Variants in ARHGEF10L observed in about 807,000 individuals in gnomAD.
The protein encoded by ARHGEF10L is Rho guanine nucleotide exchange factor 10 like, also known as rho guanine nucleotide exchange factor 10-like protein.
In ARHGEF10L, 69 loss-of-function variants were observed where a neutral mutation model predicts 141.2. That is an observed-to-expected ratio of 0.49 (90% confidence interval 0.40 to 0.60). The LOEUF is 0.60. Among genes scored for constraint, ARHGEF10L ranks in the 20% least tolerant of loss-of-function variants. The pLI is 0.00. For missense variants in ARHGEF10L, 1,482 were observed against 1,734.3 expected (o/e 0.85, Z 2.58); for synonymous variants, 711 against 718.5 (o/e 0.99, Z 0.17).
rs889924660 is a variant in ARHGEF10L, at chr1:17,654,583, G to A, written c.2395-53G>A. The A allele has an allele frequency of 4.7e-6, 7 of 1,501,844 alleles. No homozygotes were observed. Among genetic ancestry groups the A allele is most frequent in the African/African-American group, 2.8e-5 (2 of 72,470 alleles). The allele number at this position is 1,501,844 out of a possible 1,614,324, so 93.0% of individuals were successfully genotyped here. A position where few individuals can be genotyped will look rare whatever the true frequency, so the allele number is the denominator to read the frequency against. On this transcript the variant is annotated intron_variant, in intron 22 of 28. Coordinates refer to ENST00000361221, the MANE Select transcript of ARHGEF10L (RefSeq NM_018125.4). The surrounding 1 kb of genome is among the most constrained non-coding windows in gnomAD (Gnocchi z 4.3). ...GGGCCCAGGAATCTGCCAAATATTG[G>A]CATCTGGGCACCTTGATGATTAACC...
intron 6 of ARHGEF10L, among the ~76,000 whole-genome samples, chr1:17,605,977 G>A (rs1237297385): frequency 6.6e-6 from 1 of 152,102 alleles, no homozygotes; most frequent in Admixed American, 6.5e-5. Context: ...CTAAGCTTTG[G>A]CACATCTGTT....
At chr1:17,658,242 T>C (rs1012063340) in intron 25 of ARHGEF10L, among the ~76,000 whole-genome samples, 1 of 152,342 alleles carries the variant, frequency 6.6e-6, no homozygotes, top group South Asian at 2.1e-4. Context: ...ACATCTGCAA[T>C]GACCTTACTT....
rs1224975870 is a variant in ARHGEF10L, at chr1:17,673,977, C to A, written c.3009+9382C>A. 2.0e-5 allele frequency among the ~76,000 whole-genome samples: 3 copies of A among 152,106 alleles called. No homozygotes were observed. The highest frequency in any genetic ancestry group is 4.4e-5 in the Non-Finnish European group (3 of 68,022). ...AGGGTGCCTCTGATTCTGAAGCCCC[C>A]ACCTGGTCTGCCGTCCTCTGCCCCA... On this transcript the variant is annotated intron_variant, in intron 26 of 28. Transcript: ENST00000361221. This position sits in a 1 kb window ranked among gnomAD's most constrained non-coding sequence, Gnocchi z 4.1.
At chr1:17,524,209 GTTGCAGTGAGCTGAGA>G in the ARHGEF10L span, among the ~76,000 whole-genome samples, 312 of 152,078 alleles carry the variant, frequency 2.1e-3, 1 homozygote, top group African/African-American at 6.6e-3. Context: ...GGAGGTGGAG[GTTGCAGTGAGCTGAGA>G]TTGCAGTGAG....
chr1:17,631,158 G>A (rs1333394080), intron 15 of ARHGEF10L, among the ~76,000 whole-genome samples: 5 of 152,058 alleles, frequency 3.3e-5, no homozygotes, highest in Non-Finnish European at 7.4e-5. Context: ...GGGGAGGCTC[G>A]GGGTGATCTG....
intron 26 of ARHGEF10L, among the ~76,000 whole-genome samples, chr1:17,672,667 G>C (rs958576159): frequency 8.5e-5 from 13 of 152,280 alleles, no homozygotes; most frequent in South Asian, 6.2e-4. Flanking sequence ...ATTTTCTAAA[G>C]ATTGTGGAGA....
At chr1:17,565,961 C>G (rs957788390) in intron 1 of ARHGEF10L, among the ~76,000 whole-genome samples, 1 of 152,082 alleles carries the variant, frequency 6.6e-6, no homozygotes, top group South Asian at 2.1e-4. Flanking sequence ...CACAGTCTAG[C>G]GGGGAGAGGC....
At position 17,636,887 on chromosome 1, in the gene ARHGEF10L, C is replaced by G. The variant is rs552489193; in HGVS notation, c.1928-1001C>G. ...TAGAGAATACAGTCCAAATTCCTAG[C>G]CCAGGGGCCTAGCGTTCAAGGCCTT... On this transcript the variant is annotated intron_variant, in intron 18 of 28. Transcript: ENST00000361221. 2.0e-5 allele frequency among the ~76,000 whole-genome samples: 3 copies of G among 152,226 alleles called. No individual in the cohort carries two copies. The East Asian group carries it at 5.8e-4, about 29-fold the overall frequency.
intron 16 of ARHGEF10L, among the ~76,000 whole-genome samples, chr1:17,633,943 A>G (rs1201932740): frequency 6.6e-6 from 1 of 152,098 alleles, no homozygotes; most frequent in Non-Finnish European, 1.5e-5. Context: ...CCACCCGTCT[A>G]TGAATCCATT....
chr1:17,620,205 C>A (rs866431299), intron 10 of ARHGEF10L, among the ~76,000 whole-genome samples: 328 of 117,218 alleles, frequency 2.8e-3, no homozygotes, highest in African/African-American at 3.2e-3. Context: ...GACTCTGTCT[C>A]AAAAAAAAAA....
intron 27 of ARHGEF10L, among the ~76,000 whole-genome samples, chr1:17,693,182 G>A (rs1002549958): frequency 1.3e-5 from 2 of 152,198 alleles, no homozygotes; most frequent in Non-Finnish European, 2.9e-5. Context: ...GTCCCTCAGT[G>A]CCACTAGCTA....
intron 1 of ARHGEF10L, among the ~76,000 whole-genome samples, chr1:17,547,513 C>T (rs867849224): frequency 3.9e-5 from 6 of 152,246 alleles, no homozygotes; most frequent in African/African-American, 1.2e-4. Context: ...AGCCAGCTCT[C>T]ATTACTCCCC....
chr1:17,631,147 C>T (rs1318381650), intron 15 of ARHGEF10L, among the ~76,000 whole-genome samples: 5 of 149,652 alleles, frequency 3.3e-5, no homozygotes, highest in Non-Finnish European at 4.5e-5. Context: ...TTTTATGTCC[C>T]GGGGAGGCTC....
intron 9 of ARHGEF10L, among the ~76,000 whole-genome samples, chr1:17,618,940 C>A (rs945860957): frequency 1.6e-4 from 25 of 152,234 alleles, no homozygotes; most frequent in African/African-American, 5.5e-4. Flanking sequence ...CCCTTTTAGA[C>A]TTCCAGAAGA....
the ARHGEF10L span, among the ~76,000 whole-genome samples, chr1:17,518,323 T>A: frequency 6.6e-6 from 1 of 152,166 alleles, no homozygotes; most frequent in East Asian, 1.9e-4. Flanking sequence ...CGTGAGTGTG[T>A]TGAGGGCAGG....
At chr1:17,631,192 A>G (rs2153340) in intron 15 of ARHGEF10L, among the ~76,000 whole-genome samples, 3,575 of 151,886 alleles carry the variant, frequency 0.024, 154 homozygotes, top group African/African-American at 0.082. Context: ...CAGGATGGGG[A>G]AGGAAGGGGA....
the ARHGEF10L span, among the ~76,000 whole-genome samples, chr1:17,521,206 G>A: frequency 6.6e-6 from 1 of 151,976 alleles, no homozygotes; most frequent in East Asian, 1.9e-4. Context: ...GTTTTGTTTT[G>A]TTTTTTTGAG....
At chr1:17,560,455 A>G (rs2077501147) in intron 1 of ARHGEF10L, among the ~76,000 whole-genome samples, 1 of 152,168 alleles carries the variant, frequency 6.6e-6, no homozygotes, top group South Asian at 2.1e-4. Context: ...CCTTTTGTGA[A>G]GTGGGGCCAG....
rs144252836 is a variant in ARHGEF10L, at chr1:17,696,999, C to T, written c.3459C>T (p.His1153=). ...AGGACAAGCCAGACGGGCAGGCACA[C>T]GAGCCCATGCCCGATAGCCACGTGG... ...AEEDKPDGQA[H]EPMPDSHVGR... The change falls in exon 29 of 29, where the codon CAC becomes CAT. Residue 1153 remains histidine, a synonymous_variant. Coordinates refer to ENST00000361221, the MANE Select transcript of ARHGEF10L (RefSeq NM_018125.4). 1.9e-5 allele frequency: 31 copies of T among 1,609,246 alleles called. No individual in the cohort carries two copies. Among genetic ancestry groups the T allele is most frequent in the African/African-American group, 6.7e-5 (5 of 74,884 alleles).
Sources: allele counts gnomAD v4.1 joint callset (sites outside exome capture counted in the v4.1 genomes callset), GRCh38; gene constraint gnomAD v4.1.1; non-coding constraint Gnocchi (gnomAD v3.1); transcripts MANE v1.5; gene names NCBI Gene and HGNC (gene_info 2026-07-23, HGNC 2026-07-21).